The following VPS13B variants were observed in gnomAD, a reference collection of about 807,000 sequenced individuals.
VPS13B encodes intermembrane lipid transfer protein VPS13B.
A neutral mutation model predicts 426.4 loss-of-function variants in VPS13B; 285 were observed. That is an observed-to-expected ratio of 0.67 (90% CI 0.61 to 0.74). The LOEUF is 0.74. Ranked by LOEUF, VPS13B falls within the 30% of genes least tolerant of loss-of-function variation. The probability of loss-of-function intolerance (pLI) is 0.00; values close to 1 mark genes in which losing one functional copy is unlikely to be tolerated. For synonymous variants in VPS13B, 1,676 were observed against 1,676.4 expected, an observed-to-expected ratio of 1.00 and a Z score of 0.01; for missense variants, 4,537 against 4,782.6, an observed-to-expected ratio of 0.95 and a Z score of 1.51.
intron 17 of VPS13B, among the ~76,000 whole-genome samples, chr8:99,243,869 C>T (rs1817065700): frequency 6.6e-6 from 1 of 152,214 alleles, no homozygotes; most frequent in Admixed American, 6.5e-5. Flanking sequence ...ACTTTATCAG[C>T]AGCACATGTC....
At chr8:99,206,658 C>G (rs1250655890) in intron 17 of VPS13B, among the ~76,000 whole-genome samples, 1 of 152,156 alleles carries the variant, frequency 6.6e-6, no homozygotes, top group Non-Finnish European at 1.5e-5. Context: ...AATGTACATA[C>G]TGTAACATTT....
At chr8:99,392,478 T>C (rs1814498797) in intron 21 of VPS13B, among the ~76,000 whole-genome samples, 1 of 152,106 alleles carries the variant, frequency 6.6e-6, no homozygotes, top group Non-Finnish European at 1.5e-5. Context: ...CTTTATTTCT[T>C]ATAACGCAGA....
At chr8:99,725,840 TA>T (rs908162125) in intron 39 of VPS13B, among the ~76,000 whole-genome samples, 1 of 152,238 alleles carries the variant, frequency 6.6e-6, no homozygotes, top group Non-Finnish European at 1.5e-5. Flanking sequence ...CTCTTTGTGA[TA>T]TCATTGAATA....
At chr8:99,417,283 A>T (rs1474568980) in intron 21 of VPS13B, among the ~76,000 whole-genome samples, 1 of 152,214 alleles carries the variant, frequency 6.6e-6, no homozygotes, top group Non-Finnish European at 1.5e-5. Flanking sequence ...GAAGGGTGCT[A>T]TTGAAAGGCG....
intron 55 of VPS13B, among the ~76,000 whole-genome samples, chr8:99,851,542 T>C (rs1464569722): frequency 6.6e-6 from 1 of 152,184 alleles, no homozygotes. Flanking sequence ...GTAGGTAAGC[T>C]GCACTGAGAA....
chr8:99,557,802 G>T (rs1026475227), intron 31 of VPS13B, among the ~76,000 whole-genome samples: 78 of 152,148 alleles, frequency 5.1e-4, no homozygotes, highest in African/African-American at 1.8e-3. Context: ...GCTACTTGTG[G>T]TTCTCATCGG....
intron 3 of VPS13B, among the ~76,000 whole-genome samples, chr8:99,062,690 A>G (rs955838334): frequency 5.9e-5 from 9 of 152,020 alleles, no homozygotes; most frequent in Non-Finnish European, 1.2e-4. Context: ...CTGGTCTCGA[A>G]CTTTCGACCT....
intron 19 of VPS13B, among the ~76,000 whole-genome samples, chr8:99,383,368 T>C (rs1004064552): frequency 3.9e-5 from 6 of 152,184 alleles, no homozygotes; most frequent in Admixed American, 3.9e-4. Flanking sequence ...AAAAGTTATT[T>C]AGGAATATTT....
At chr8:99,739,452 G>A (rs57905511) in intron 39 of VPS13B, among the ~76,000 whole-genome samples, 2,969 of 152,338 alleles carry the variant, frequency 0.019, 104 homozygotes, top group African/African-American at 0.068. Flanking sequence ...AAATGTCCCT[G>A]TCTGACAGCT....
chr8:99,776,568 A>T (rs1458418608), intron 40 of VPS13B, among the ~76,000 whole-genome samples: 1 of 152,178 alleles, frequency 6.6e-6, no homozygotes, highest in Non-Finnish European at 1.5e-5. Flanking sequence ...GTACTAGGAT[A>T]ACAAGCATGA....
intron 13 of VPS13B, among the ~76,000 whole-genome samples, chr8:99,147,325 T>G (rs988612340): frequency 1.3e-5 from 2 of 152,124 alleles, no homozygotes; most frequent in African/African-American, 2.4e-5. Context: ...TTGGCCAGGC[T>G]GGTTTCGAAC....
intron 3 of VPS13B, among the ~76,000 whole-genome samples, chr8:99,055,428 G>A (rs1843797288): frequency 6.6e-6 from 1 of 152,080 alleles, no homozygotes. Context: ...GGTTCAAAAG[G>A]CCATTGGAAT....
At chr8:99,825,449 A>T (rs1199270297) in intron 51 of VPS13B, among the ~76,000 whole-genome samples, 1 of 152,052 alleles carries the variant, frequency 6.6e-6, no homozygotes, top group Admixed American at 6.6e-5. Flanking sequence ...AATTTGATTA[A>T]GTTTCTTGTA....
chr8:99,090,462 G>GT (rs1278436050), intron 3 of VPS13B, among the ~76,000 whole-genome samples: 1 of 151,884 alleles, frequency 6.6e-6, no homozygotes, highest in African/African-American at 2.4e-5. Flanking sequence ...AAGGGACAGG[G>GT]TTACACCATG....
At chr8:99,828,400 T>TGC (rs1814839755) in intron 51 of VPS13B, among the ~76,000 whole-genome samples, 1 of 33,928 alleles carries the variant, frequency 2.9e-5, no homozygotes, top group African/African-American at 1.2e-4. Context: ...CACCGTTTTT[T>TGC]TTTTTTTTTT....
At chr8:99,220,055 G>T (rs1324733230) in intron 17 of VPS13B, among the ~76,000 whole-genome samples, 1 of 152,112 alleles carries the variant, frequency 6.6e-6, no homozygotes, top group Non-Finnish European at 1.5e-5. Context: ...AGAAAAATGA[G>T]GCTTGTTTTT....
chr8:99,779,900 G>A lies in VPS13B; in HGVS notation c.7779+869G>A, dbSNP rs116436149. On this transcript the variant is annotated intron_variant, in intron 42 of 61. Coordinates refer to ENST00000357162, the MANE Select transcript of VPS13B (RefSeq NM_152564.5). ...GTGAGGCTGGCTACCCGAGAGAAAC[G>A]GTGCTTCATCCCCCACTGACCTCCT... Among the ~76,000 whole-genome samples, 595 of 152,198 alleles carry A rather than the reference G, an allele frequency of 3.9e-3. 4 individuals carry two copies. Among genetic ancestry groups the A allele is most frequent in the African/African-American group, 0.013 (552 of 41,526 alleles).
At position 99,391,716 on chromosome 8, in the gene VPS13B, G is replaced by C. The variant is rs1814457482; in HGVS notation, c.3082+12G>C. On this transcript the variant is annotated intron_variant, in intron 21 of 61. Coordinates refer to ENST00000357162, the MANE Select transcript of VPS13B (RefSeq NM_152564.5). ...AAAAACGGTAACAGGTATGTGTCAAGTACTGTAAAGGGACTATGATTGTAC... is the reference window on the plus strand; with the variant it reads ...AAAAACGGTAACAGGTATGTGTCAACTACTGTAAAGGGACTATGATTGTAC... 2 of 1,613,654 alleles carry C rather than the reference G, an allele frequency of 1.2e-6. No individual in the cohort carries two copies. The highest frequency in any genetic ancestry group is 1.7e-6 in the Non-Finnish European group (2 of 1,179,766).
intron 19 of VPS13B, among the ~76,000 whole-genome samples, chr8:99,382,940 A>G (rs978577561): frequency 1.3e-5 from 2 of 152,144 alleles, no homozygotes; most frequent in Non-Finnish European, 2.9e-5. Flanking sequence ...GTATGATGGC[A>G]TATTTCCTAT....
Sources: gnomAD v4.1 joint callset for allele counts (sites outside exome capture counted in the v4.1 genomes callset) on GRCh38, gnomAD v4.1.1 for gene constraint, MANE v1.5 for transcripts, NCBI Gene and HGNC (gene_info 2026-07-23, HGNC 2026-07-21) for gene names.